Variants in RANBP9 observed in about 807,000 individuals in gnomAD.
The protein encoded by RANBP9 is RAN binding protein 9.
Under a neutral mutation model 84.3 loss-of-function variants are expected in RANBP9, and 15 were observed. That is an observed-to-expected ratio of 0.18 (90% confidence interval 0.12 to 0.27). The LOEUF is 0.27. Ranked by LOEUF, RANBP9 falls within the 10% of genes least tolerant of loss-of-function variation. RANBP9 has a pLI of 1.00. For missense variants in RANBP9, 809 were observed against 912.8 expected, an observed-to-expected ratio of 0.89 and a Z score of 1.46; for synonymous variants, 392 against 349.6, an observed-to-expected ratio of 1.12 and a Z score of -1.35.
At chr6:13,681,503 T>C (rs570859531) in intron 2 of RANBP9, among the ~76,000 whole-genome samples, 188 of 151,932 alleles carry the variant, frequency 1.2e-3, no homozygotes, top group Non-Finnish European at 2.2e-3. Context: ...TTGCTCACAA[T>C]ACAAGAGTAC....
intron 2 of RANBP9, among the ~76,000 whole-genome samples, chr6:13,669,003 C>A (rs925457341): frequency 6.6e-6 from 1 of 151,918 alleles, no homozygotes; most frequent in Admixed American, 6.6e-5. Flanking sequence ...TCTCCTCCCC[C>A]AAAATTATTA....
intron 2 of RANBP9, 22 bp from the exon 3 acceptor site, chr6:13,658,854 G>A (rs374237466): frequency 1.9e-6 from 3 of 1,541,100 alleles, no homozygotes. Flanking sequence ...GGTTGGGGGA[G>A]AGAAGAAAAG....
intron 4 of RANBP9, among the ~76,000 whole-genome samples, chr6:13,654,915 C>T (rs1167717813): frequency 6.6e-6 from 1 of 152,168 alleles, no homozygotes; most frequent in East Asian, 1.9e-4. Context: ...TCACTAGATG[C>T]CAGAACTGTG....
chr6:13,686,123 G>A (rs1206999608), intron 2 of RANBP9, among the ~76,000 whole-genome samples: 89 of 56,956 alleles, frequency 1.6e-3, no homozygotes, highest in African/African-American at 5.9e-3. Flanking sequence ...CCCGCCCCCC[G>A]AAATAGAGTC....
chr6:13,684,896 A>C (rs1037149996), intron 2 of RANBP9, among the ~76,000 whole-genome samples: 1 of 152,210 alleles, frequency 6.6e-6, no homozygotes, highest in Admixed American at 6.5e-5. Flanking sequence ...GCCAATAAAT[A>C]AATTCCGCAC....
chr6:13,701,763 T>C (rs1238615269), intron 1 of RANBP9, among the ~76,000 whole-genome samples: 1 of 147,674 alleles, frequency 6.8e-6, no homozygotes, highest in Non-Finnish European at 1.5e-5. Context: ...AGAGCAAGGC[T>C]CCATCTCAAA....
At chr6:13,635,246 T>G (rs961972312) in intron 10 of RANBP9, among the ~76,000 whole-genome samples, 18 of 152,192 alleles carry the variant, frequency 1.2e-4, no homozygotes, top group Non-Finnish European at 2.5e-4. Context: ...TAGTTTCCAG[T>G]TTTCACTCAT....
intron 10 of RANBP9, 21 bp downstream of exon 10, chr6:13,637,785 CAA>C (rs774796017): frequency 6.4e-7 from 1 of 1,555,916 alleles, no homozygotes; most frequent in Non-Finnish European, 8.7e-7. Context: ...TATATTAGTG[CAA>C]AAGTCAGTGA....
chr6:13,622,244 G>A lies in RANBP9; in HGVS notation c.*118C>T, dbSNP rs1290857263. ...TGTAAACTAGGAAGCAATGTAAAGC[G>A]ACAAAAACCTGTCCCCAGTACATAA... is the stretch of plus-strand genomic sequence containing the variant. On this transcript the variant is annotated 3_prime_UTR_variant, in exon 14 of 14. Coordinates refer to ENST00000011619, the MANE Select transcript of RANBP9 (RefSeq NM_005493.3). 7.9e-5 allele frequency: 87 copies of A among 1,094,498 alleles called. No individual in the cohort carries two copies. The highest frequency in any genetic ancestry group is 1.0e-4 in the Non-Finnish European group (84 of 833,686). The allele number at this position is 1,094,498 out of a possible 1,614,324, so 67.8% of individuals were successfully genotyped here.
At chr6:13,643,644 A>G (rs1349475463) in intron 6 of RANBP9, among the ~76,000 whole-genome samples, 1 of 152,104 alleles carries the variant, frequency 6.6e-6, no homozygotes, top group African/African-American at 2.4e-5. Context: ...TAAGGTTAAG[A>G]TAAATGTTTT....
chr6:13,704,719 A>T (rs1190683044), intron 1 of RANBP9, among the ~76,000 whole-genome samples: 2 of 151,904 alleles, frequency 1.3e-5, no homozygotes, highest in Non-Finnish European at 1.5e-5. Context: ...AATTGCTTGT[A>T]AAACCAGACA....
At chr6:13,651,555 CA>C (rs1030796170) in intron 5 of RANBP9, among the ~76,000 whole-genome samples, 30 of 151,806 alleles carry the variant, frequency 2.0e-4, no homozygotes, top group African/African-American at 7.0e-4. Flanking sequence ...CCACCACGCC[CA>C]GCTAATTTTT....
At chr6:13,706,587 G>A (rs1405555712) in intron 1 of RANBP9, among the ~76,000 whole-genome samples, 1 of 151,512 alleles carries the variant, frequency 6.6e-6, no homozygotes, top group East Asian at 1.9e-4. Context: ...CAGCTATTCA[G>A]GAGGCTGAGG....
chr6:13,636,970 T>C (rs1298209431), intron 10 of RANBP9, among the ~76,000 whole-genome samples: 1 of 152,182 alleles, frequency 6.6e-6, no homozygotes, highest in Non-Finnish European at 1.5e-5. Context: ...TGATGACCAT[T>C]TCCTGAAAAT....
chr6:13,635,806 A>C (rs1249434741), intron 10 of RANBP9, among the ~76,000 whole-genome samples: 1 of 151,664 alleles, frequency 6.6e-6, no homozygotes, highest in Non-Finnish European at 1.5e-5. Context: ...AAAAAATACT[A>C]AACTTTTTTT....
At chr6:13,647,161 T>C (rs898070918) in intron 5 of RANBP9, among the ~76,000 whole-genome samples, 1 of 152,206 alleles carries the variant, frequency 6.6e-6, no homozygotes, top group African/African-American at 2.4e-5. Flanking sequence ...TGGAAGAGTG[T>C]ATTCCTACAA....
chr6:13,707,005 C>CAAA (rs34108954), intron 1 of RANBP9, among the ~76,000 whole-genome samples: 1,771 of 122,244 alleles, frequency 0.014, 30 homozygotes, highest in Non-Finnish European at 0.024. Flanking sequence ...GACTCTGTCT[C>CAAA]AAAAAAAAAA....
At chr6:13,702,337 G>A (rs574443302) in intron 1 of RANBP9, among the ~76,000 whole-genome samples, 26 of 152,232 alleles carry the variant, frequency 1.7e-4, no homozygotes, top group Admixed American at 1.4e-3. Flanking sequence ...CAGCTATTCG[G>A]GAGGCTGAGG....
intron 3 of RANBP9, among the ~76,000 whole-genome samples, chr6:13,657,917 G>T (rs1765441389): frequency 2.0e-5 from 3 of 152,258 alleles, no homozygotes; most frequent in Admixed American, 2.0e-4. Flanking sequence ...CATTGTCTTG[G>T]TTTGTTTCTT....
Sources: gnomAD v4.1 joint callset for allele counts (sites outside exome capture counted in the v4.1 genomes callset) on GRCh38, gnomAD v4.1.1 for gene constraint, MANE v1.5 for transcripts, NCBI Gene and HGNC (gene_info 2026-07-23, HGNC 2026-07-21) for gene names.